EGFR: variants seen among roughly 807,000 people sequenced by gnomAD.
EGFR encodes the protein avian erythroblastic leukemia viral (v-erb-b) oncogene homolog.
A neutral mutation model predicts 143.0 loss-of-function variants in EGFR; 58 were observed. That is an observed-to-expected ratio of 0.41 (90% confidence interval 0.33 to 0.50). The LOEUF (loss-of-function observed/expected upper bound fraction) is 0.50, where lower values mean the gene tolerates loss of function less well. Ranked by LOEUF, EGFR falls within the 20% of genes least tolerant of loss-of-function variation. The probability of loss-of-function intolerance (pLI) is 0.39; values close to 1 mark genes in which losing one functional copy is unlikely to be tolerated. For synonymous variants in EGFR, 613 were observed against 594.4 expected, an observed-to-expected ratio of 1.03 and a Z score of -0.45; for missense variants, 1,307 against 1,579.0, an observed-to-expected ratio of 0.83 and a Z score of 2.92.
intron 1 of EGFR, among the ~76,000 whole-genome samples, chr7:55,130,337 A>AT (rs1213422703): frequency 3.9e-5 from 6 of 152,334 alleles, no homozygotes; most frequent in Admixed American, 2.6e-4. Flanking sequence ...GTGCGGCCCT[A>AT]TTGCAAGAAT....
chr7:55,175,746 C>T (rs1786565868), intron 19 of EGFR, among the ~76,000 whole-genome samples: 2 of 152,202 alleles, frequency 1.3e-5, no homozygotes, highest in Admixed American at 1.3e-4. Flanking sequence ...TATCCTCCGC[C>T]TCATGTCTAA....
chr7:55,029,145 C>G (rs1480113768), intron 1 of EGFR, among the ~76,000 whole-genome samples: 1 of 152,048 alleles, frequency 6.6e-6, no homozygotes, highest in Non-Finnish European at 1.5e-5. Flanking sequence ...GGCGACAGAG[C>G]AAGACTCAGT....
At chr7:55,183,160 C>T (rs997788150) in intron 20 of EGFR, among the ~76,000 whole-genome samples, 4 of 152,124 alleles carry the variant, frequency 2.6e-5, no homozygotes, top group Admixed American at 6.5e-5. Flanking sequence ...AGGCCTTTTC[C>T]TGTGTCTCTG....
chr7:55,209,720 C>G lies in EGFR; in HGVS notation c.*4103C>G, dbSNP rs1788193744. The G allele has an allele frequency of 6.6e-6, 1 of 152,216 alleles. No individual in the cohort carries two copies. Among genetic ancestry groups the G allele is most frequent in the Admixed American group, 6.5e-5 (1 of 15,278 alleles). 9.4% of individuals were successfully genotyped at this position (152,216 alleles called of 1,614,324 possible). On this transcript the variant is annotated 3_prime_UTR_variant, in exon 28 of 28. Transcript: ENST00000275493. Reference sequence around the variant, plus strand: ...AGCTTTGTACTATTGAAGACACAGACAGGATTTTTAAATGTAAATCTATTT... The same window carrying G: ...AGCTTTGTACTATTGAAGACACAGAGAGGATTTTTAAATGTAAATCTATTT...
intron 20 of EGFR, among the ~76,000 whole-genome samples, chr7:55,184,072 C>T (rs921851524): frequency 5.9e-5 from 9 of 152,216 alleles, no homozygotes; most frequent in African/African-American, 2.2e-4. Context: ...TGGATTCTGG[C>T]GCATTCGCCG....
chr7:55,132,508 G>A (rs955320852), intron 1 of EGFR, among the ~76,000 whole-genome samples: 2 of 152,222 alleles, frequency 1.3e-5, no homozygotes, highest in Admixed American at 1.3e-4. Context: ...GGTAAATGGT[G>A]GGACTATGTA....
chr7:55,078,999 G>T (rs1790300659), intron 1 of EGFR, among the ~76,000 whole-genome samples: 1 of 152,206 alleles, frequency 6.6e-6, no homozygotes. Flanking sequence ...TTTGGCTTCA[G>T]AAGGGAAAAG....
intron 27 of EGFR, among the ~76,000 whole-genome samples, chr7:55,203,699 G>T (rs993558001): frequency 8.1e-6 from 1 of 124,126 alleles, no homozygotes; most frequent in Non-Finnish European, 1.7e-5. Flanking sequence ...ACACATACAC[G>T]CACCACACAT....
At chr7:55,081,762 C>T (rs955351499) in intron 1 of EGFR, among the ~76,000 whole-genome samples, 7 of 150,470 alleles carry the variant, frequency 4.7e-5, no homozygotes, top group South Asian at 4.4e-4. Flanking sequence ...CTCTCCAAAA[C>T]GTGCTGTCAG....
chr7:55,171,607 G>A (rs897775767), intron 16 of EGFR, among the ~76,000 whole-genome samples: 4 of 152,052 alleles, frequency 2.6e-5, no homozygotes, highest in Non-Finnish European at 5.9e-5. Flanking sequence ...CTTTCTGTTC[G>A]ATGACAACCT....
Position 55,143,403 on chromosome 7 carries a change from C to G in EGFR, c.339C>G (p.Tyr113Ter), listed in dbSNP as rs374582814. 6.2e-7 allele frequency: 1 copy of G among 1,614,164 alleles called. No individual in the cohort carries two copies. Among genetic ancestry groups the G allele is most frequent in the Non-Finnish European group, 8.5e-7 (1 of 1,180,030 alleles). ...AGATCATCAGAGGAAATATGTACTA[C>G]GAAAATTCCTATGCCTTAGCAGTCT... is the stretch of plus-strand genomic sequence containing the variant. ...NLQIIRGNMY[Y>*]ENSYALAVLS... Residue 113 changes from tyrosine to a stop codon, truncating the protein, a stop_gained, in exon 3 of 28, where the codon TAC (tyrosine) becomes TAG (stop). Transcript: ENST00000275493. LOFTEE classifies it high-confidence loss of function.
At chr7:55,114,609 T>C (rs551367207) in intron 1 of EGFR, among the ~76,000 whole-genome samples, 1 of 152,298 alleles carries the variant, frequency 6.6e-6, no homozygotes, top group South Asian at 2.1e-4. Flanking sequence ...TTTTAGTACC[T>C]TTTTAAAAAT....
intron 1 of EGFR, among the ~76,000 whole-genome samples, chr7:55,074,230 A>G (rs1790006770): frequency 1.3e-5 from 2 of 152,384 alleles, no homozygotes; most frequent in South Asian, 2.1e-4. Context: ...AAAATGTTTC[A>G]GGATCTCGGG....
At chr7:55,100,867 C>T (rs1404131493) in intron 1 of EGFR, among the ~76,000 whole-genome samples, 2 of 152,248 alleles carry the variant, frequency 1.3e-5, no homozygotes, top group Non-Finnish European at 2.9e-5. Context: ...CTTGCCACTG[C>T]CAGAGGCAAT....
At chr7:55,036,283 G>C (rs1186349761) in intron 1 of EGFR, among the ~76,000 whole-genome samples, 1 of 63,422 alleles carries the variant, frequency 1.6e-5, no homozygotes, top group African/African-American at 5.6e-5. Context: ...GGGGGGGGGG[G>C]GTGGGTGTGT....
In EGFR at chr7:55,191,743, C is replaced by T. The variant is rs745812480; in HGVS notation, c.2494C>T (p.Arg832Cys). 3.1e-6 allele frequency: 5 copies of T among 1,613,962 alleles called. No individual in the cohort carries two copies. Among genetic ancestry groups the T allele is most frequent in the Non-Finnish European group, 4.2e-6 (5 of 1,180,010 alleles). ...AKGMNYLEDRRLVHRDLAARN... is the reference protein window; with the variant it reads ...AKGMNYLEDRCLVHRDLAARN... ...GGGCATGAACTACTTGGAGGACCGTCGCTTGGTGCACCGCGACCTGGCAGC... is the reference window on the plus strand; with the variant it reads ...GGGCATGAACTACTTGGAGGACCGTTGCTTGGTGCACCGCGACCTGGCAGC... Residue 832 changes from arginine (R) to cysteine (C), a missense_variant, in exon 21 of 28, where the codon CGC (arginine) becomes TGC (cysteine). Physicochemically the swap from Arg to Cys is radical, Grantham distance 180 (BLOSUM62 -3). Around this residue, in one of 7 missense-constraint regions of EGFR, gnomAD observed 348 missense variants for 451.5 expected, o/e 0.77. Coordinates refer to ENST00000275493, the MANE Select transcript of EGFR (RefSeq NM_005228.5).
At chr7:55,198,535 T>C (rs1427129542) in intron 22 of EGFR, among the ~76,000 whole-genome samples, 182 bp from the exon 23 acceptor site, 1 of 152,218 alleles carries the variant, frequency 6.6e-6, no homozygotes, top group East Asian at 1.9e-4. Flanking sequence ...CAGATACTGC[T>C]ATTACCCCAC....
intron 24 of EGFR, chr7:55,200,793 A>G (rs761243792): frequency 2.1e-4 from 98 of 477,326 alleles, no homozygotes; most frequent in Non-Finnish European, 3.1e-4. Context: ...CGATCCACCT[A>G]TCTCCTTCCA....
intron 1 of EGFR, among the ~76,000 whole-genome samples, chr7:55,137,628 T>A (rs1024558718): frequency 2.0e-5 from 3 of 152,142 alleles, no homozygotes; most frequent in Non-Finnish European, 4.4e-5. Flanking sequence ...ACAGATAACT[T>A]CGTATATCCA....
Sources: allele counts gnomAD v4.1 joint callset (sites outside exome capture counted in the v4.1 genomes callset), GRCh38; gene constraint gnomAD v4.1.1; regional missense constraint gnomAD v4.1.1; transcripts MANE v1.5; gene names NCBI Gene and HGNC (gene_info 2026-07-23, HGNC 2026-07-21).